The following CNTNAP4 variants were observed in gnomAD, a reference collection of about 807,000 sequenced individuals.
The protein encoded by CNTNAP4 is contactin associated protein family member 4, also known as contactin-associated protein-like 4.
Under a neutral mutation model 148.4 loss-of-function variants are expected in CNTNAP4, and 98 were observed. The observed-to-expected ratio is 0.66, with a 90% confidence interval of 0.56 to 0.78. The LOEUF is 0.78. Among genes scored for constraint, CNTNAP4 ranks in the 30% least tolerant of loss-of-function variants. The probability of loss-of-function intolerance (pLI) is 0.00; values close to 1 mark genes in which losing one functional copy is unlikely to be tolerated. For missense variants in CNTNAP4, 1,935 were observed against 1,565.6 expected (o/e 1.24, Z -3.98); for synonymous variants, 730 against 565.1 (o/e 1.29, Z -4.14).
At chr16:76,419,148 G>A (rs2079089639) in intron 3 of CNTNAP4, among the ~76,000 whole-genome samples, 1 of 151,940 alleles carries the variant, frequency 6.6e-6, no homozygotes, top group South Asian at 2.1e-4. Flanking sequence ...TGGTGGTATA[G>A]CTTTTTTCCC....
chr16:76,335,447 G>C (rs1031988666), intron 2 of CNTNAP4, among the ~76,000 whole-genome samples: 3 of 152,070 alleles, frequency 2.0e-5, no homozygotes, highest in Admixed American at 1.3e-4. Flanking sequence ...GATTTGAAAG[G>C]GAAGATGAGC....
chr16:76,494,839 A>T, intron 13 of CNTNAP4, 71 bp from the exon 14 acceptor site: 1 of 1,424,092 alleles, frequency 7.0e-7, no homozygotes, highest in Non-Finnish European at 9.6e-7. Context: ...TTTGGAAGAA[A>T]AGGAATTATA....
intron 3 of CNTNAP4, among the ~76,000 whole-genome samples, chr16:76,401,071 G>GA (rs2078398887): frequency 6.6e-6 from 1 of 152,218 alleles, no homozygotes; most frequent in South Asian, 2.1e-4. Flanking sequence ...CTACTTCTGT[G>GA]AAGAATGTCA....
chr16:76,416,256 A>G (rs778618255), intron 3 of CNTNAP4, among the ~76,000 whole-genome samples: 2 of 151,014 alleles, frequency 1.3e-5, no homozygotes, highest in African/African-American at 4.8e-5. Context: ...CCTGTTTCCA[A>G]TTTTATTCTT....
chr16:76,281,918 G>C (rs1041600448), intron 1 of CNTNAP4, among the ~76,000 whole-genome samples: 1 of 151,670 alleles, frequency 6.6e-6, no homozygotes, highest in Non-Finnish European at 1.5e-5. Flanking sequence ...TCAAATATTA[G>C]TATTATATTT....
intron 1 of CNTNAP4, among the ~76,000 whole-genome samples, chr16:76,305,193 G>C (rs182224797): frequency 5.9e-5 from 9 of 152,260 alleles, no homozygotes; most frequent in African/African-American, 2.2e-4. Flanking sequence ...TCATGTATTT[G>C]AGAAAAGTGA....
chr16:76,444,196 C>T (rs1259054300), intron 4 of CNTNAP4, among the ~76,000 whole-genome samples: 3 of 152,038 alleles, frequency 2.0e-5, no homozygotes, highest in African/African-American at 7.2e-5. Flanking sequence ...AAACCCATAA[C>T]CTTTGGAGAT....
intron 2 of CNTNAP4, among the ~76,000 whole-genome samples, chr16:76,333,779 G>GTTTTTT (rs549878036): frequency 3.1e-4 from 14 of 45,606 alleles, no homozygotes; most frequent in Non-Finnish European, 4.8e-4. Context: ...TGGGTTATAG[G>GTTTTTT]TTTTTTTTTT....
chr16:76,417,452 G>A (rs888099663), intron 3 of CNTNAP4, among the ~76,000 whole-genome samples: 2 of 151,428 alleles, frequency 1.3e-5, no homozygotes, highest in East Asian at 3.9e-4. Flanking sequence ...ATTATATAGT[G>A]CAGGTCCCTT....
At chr16:76,365,691 G>T (rs950841922) in intron 3 of CNTNAP4, among the ~76,000 whole-genome samples, 7 of 147,686 alleles carry the variant, frequency 4.7e-5, no homozygotes, top group African/African-American at 1.8e-4. Context: ...GACTGAGGTT[G>T]CAGTGAGCTG....
At chr16:76,369,032 T>G (rs533455608) in intron 3 of CNTNAP4, among the ~76,000 whole-genome samples, 1 of 150,686 alleles carries the variant, frequency 6.6e-6, no homozygotes, top group East Asian at 1.9e-4. Context: ...GTTTTTTTTG[T>G]TTTTTCGTTT....
At chr16:76,297,060 C>G (rs13332281) in intron 1 of CNTNAP4, among the ~76,000 whole-genome samples, 77,968 of 152,000 alleles carry the variant, frequency 0.51, 20,475 homozygotes, top group African/African-American at 0.61. Flanking sequence ...TAACTTATAA[C>G]TGAACTCAAA....
intron 10 of CNTNAP4, among the ~76,000 whole-genome samples, chr16:76,471,076 CAG>C (rs1012311384): frequency 1.3e-5 from 2 of 152,110 alleles, no homozygotes; most frequent in African/African-American, 2.4e-5. Context: ...CTTCCTTACA[CAG>C]AGTCACTCCC....
intron 3 of CNTNAP4, among the ~76,000 whole-genome samples, chr16:76,380,453 C>T (rs1311959600): frequency 5.3e-5 from 8 of 152,114 alleles, no homozygotes; most frequent in African/African-American, 1.9e-4. Flanking sequence ...ACTTTGAAAT[C>T]AGTATTGCTA....
At chr16:76,511,368 G>A (rs2144001758) in intron 15 of CNTNAP4, among the ~76,000 whole-genome samples, 1 of 152,260 alleles carries the variant, frequency 6.6e-6, no homozygotes, top group African/African-American at 2.4e-5. Flanking sequence ...AATCACAGCT[G>A]CCCAGAGTGC....
At chr16:76,342,113 A>G (rs1567775337) in intron 2 of CNTNAP4, among the ~76,000 whole-genome samples, 1 of 152,202 alleles carries the variant, frequency 6.6e-6, no homozygotes, top group South Asian at 2.1e-4. Context: ...TCCCTCAAGA[A>G]TCATGCAAAT....
intron 18 of CNTNAP4, among the ~76,000 whole-genome samples, chr16:76,536,706 T>C (rs2084229628): frequency 6.6e-6 from 1 of 152,164 alleles, no homozygotes; most frequent in Admixed American, 6.5e-5. Flanking sequence ...AATAAAATAG[T>C]AGAATACTTT....
At chr16:76,530,914 T>C (rs1260058239) in intron 17 of CNTNAP4, among the ~76,000 whole-genome samples, 1 of 152,156 alleles carries the variant, frequency 6.6e-6, no homozygotes, top group African/African-American at 2.4e-5. Flanking sequence ...GCTTGACATA[T>C]AGAAGACAAC....
chr16:76,342,948 C>T (rs990806332), intron 2 of CNTNAP4, among the ~76,000 whole-genome samples: 1 of 152,178 alleles, frequency 6.6e-6, no homozygotes, highest in African/African-American at 2.4e-5. Flanking sequence ...TAGCTCTCAT[C>T]ACGAATGTGC....
Sources: gnomAD v4.1 joint callset for allele counts (sites outside exome capture counted in the v4.1 genomes callset) on GRCh38, gnomAD v4.1.1 for gene constraint, MANE v1.5 for transcripts, NCBI Gene and HGNC (gene_info 2026-07-23, HGNC 2026-07-21) for gene names.